ADAM11: variants seen among roughly 807,000 people sequenced by gnomAD.
ADAM11 encodes the protein disintegrin and metalloproteinase domain-containing protein 11.
ADAM11 carries 49 observed loss-of-function variants against 119.1 expected under a neutral mutation model. The ratio of observed to expected loss-of-function variants is 0.41; its 90% CI spans 0.33 to 0.52. The LOEUF is 0.52. ADAM11 is among the 20% of genes least tolerant of loss of function. The pLI is 0.20. For synonymous variants in ADAM11, 364 were observed against 408.0 expected (o/e 0.89, Z 1.30); for missense variants, 777 against 1,047.5 (o/e 0.74, Z 3.56).
chr17:44,778,026 G>C lies in ADAM11; in HGVS notation c.2145G>C (p.Leu715=). 1.2e-6 allele frequency: 2 copies of C among 1,613,900 alleles called. No individual in the cohort carries two copies. The highest frequency in any genetic ancestry group is 1.7e-6 in the Non-Finnish European group (2 of 1,179,924). Residue 715 remains leucine, a synonymous_variant, in exon 24 of 27, where the codon CTG becomes CTC. Transcript: ENST00000200557. ...TGKDCSIHNP[L]PTSPPTGETE... ...AAGACTGCAGTATCCATAACCCCCT[G>C]CCCACGTCCCCACCCACGGGGGAGA...
rs75940627 is a variant in ADAM11 at position 44,766,430 on chromosome 17, C to T, written c.238-3288C>T. Among the ~76,000 whole-genome samples, 480 of 152,284 alleles carry T rather than the reference C, an allele frequency of 3.2e-3. 1 individual carries two copies. Among genetic ancestry groups the T allele is most frequent in the African/African-American group, 0.011 (442 of 41,560 alleles). Reference sequence around the variant, plus strand: ...TCTTTGCCTTTTTCTGTCTGCACCCCGCATCTGGTACAGAGAGGACAAGGC... The same window carrying T: ...TCTTTGCCTTTTTCTGTCTGCACCCTGCATCTGGTACAGAGAGGACAAGGC... On this transcript the variant is annotated intron_variant, in intron 2 of 26. Coordinates refer to ENST00000200557, the MANE Select transcript of ADAM11 (RefSeq NM_002390.6).
Position 44,772,615 on chromosome 17 carries a change from T to C in ADAM11, c.678+149T>C, listed in dbSNP as rs2049540933. 8.6e-7 allele frequency: 1 copy of C among 1,161,462 alleles called. No homozygotes were observed. Among genetic ancestry groups the C allele is most frequent in the Non-Finnish European group, 1.2e-6 (1 of 827,148 alleles). 71.9% of individuals were successfully genotyped at this position (1,161,462 alleles called of 1,614,324 possible). The stretch of plus-strand genomic sequence containing the variant: ...GTGGCTGGGGGCCAGGGACCGTGTC[T>C]GGGAGAAGCCCCCACCCCTTCCCTA... On this transcript the variant is annotated intron_variant, in intron 8 of 26. Transcript: ENST00000200557. The surrounding 1 kb of genome is among the most constrained non-coding windows in gnomAD (Gnocchi z 4.5).
Position 44,779,349 on chromosome 17 carries a change from G to A in ADAM11, c.2294+110G>A, listed in dbSNP as rs959638611. The A allele has an allele frequency of 2.7e-6, 4 of 1,473,504 alleles. No individual in the cohort carries two copies. In the African/African-American group the frequency reaches 4.4e-5, roughly 16 times the overall value. The allele number at this position is 1,473,504 out of a possible 1,614,324, so 91.3% of individuals were successfully genotyped here. A position where few individuals can be genotyped will look rare whatever the true frequency, so the allele number is the denominator to read the frequency against. On this transcript the variant is annotated intron_variant, in intron 26 of 26. Transcript: ENST00000200557. Reference sequence around the variant, plus strand: ...CCCCGCGTTCTGTTGATGGGGAGCGGGGGCTGATTCCCCCACCCCTGCTGC... The same window carrying A: ...CCCCGCGTTCTGTTGATGGGGAGCGAGGGCTGATTCCCCCACCCCTGCTGC...
In ADAM11 at chr17:44,769,725, A is replaced by G. The variant is rs1187830983; in HGVS notation, c.245A>G (p.His82Arg). Residue 82 changes from histidine to arginine, a missense_variant, in exon 3 of 27, where the codon CAT becomes CGT. Coordinates refer to ENST00000200557, the MANE Select transcript of ADAM11 (RefSeq NM_002390.6). ...TGCCCTCCCCCCACCCAGCCTGTCC[A>G]TCTGGCCCAGGTGAGTTTCGTCATC... ...RQEPPGGPPV[H>R]LAQVSFVIPA... The G allele has an allele frequency of 6.2e-7, 1 of 1,604,870 alleles. No individual in the cohort carries two copies.
intron 2 of ADAM11, among the ~76,000 whole-genome samples, chr17:44,763,055 G>A (rs2049408101): frequency 6.6e-6 from 1 of 152,112 alleles, no homozygotes; most frequent in African/African-American, 2.4e-5. Flanking sequence ...AGGATCGCTT[G>A]AGTCCAAGAG....
chr17:44,779,367 CCTGCTGCCAGG>C, intron 26 of ADAM11, 128 bp downstream of exon 26: 1 of 1,464,052 alleles, frequency 6.8e-7, no homozygotes, highest in Non-Finnish European at 9.0e-7. Context: ...TTCCCCCACC[CCTGCTGCCAGG>C]CTGTCCCGGC....
Position 44,772,296 on chromosome 17 carries a change from C to G in ADAM11, c.573C>G (p.Thr191=), listed in dbSNP as rs2145226625. Reference sequence around the variant, plus strand: ...CCCTTCCCCACCTCATTTACCGGACCCCTCTCCTCCCAGATCCCCTCGGAT... The same window carrying G: ...CCCTTCCCCACCTCATTTACCGGACGCCTCTCCTCCCAGATCCCCTCGGAT... ...QGPLPHLIYR[T]PLLPDPLGCR... is the part of the protein sequence containing the mutation. The change falls in exon 7 of 27, where the codon ACC becomes ACG. Residue 191 remains threonine (T), a synonymous_variant. Transcript: ENST00000200557. The surrounding 1 kb of genome is among the most constrained non-coding windows in gnomAD (Gnocchi z 4.5). 1.2e-6 allele frequency: 2 copies of G among 1,608,136 alleles called. No individual in the cohort carries two copies. The highest frequency in any genetic ancestry group is 2.2e-5 in the East Asian group (1 of 44,768).
At position 44,777,379 on chromosome 17, in the gene ADAM11, C is replaced by A; in HGVS notation, c.1782-103C>A. 3 of 1,520,640 alleles carry A rather than the reference C, an allele frequency of 2.0e-6. No homozygotes were observed. Among genetic ancestry groups the A allele is most frequent in the Non-Finnish European group, 1.8e-6 (2 of 1,105,124 alleles). The allele number at this position is 1,520,640 out of a possible 1,614,324, so 94.2% of individuals were successfully genotyped here. On this transcript the variant is annotated intron_variant, in intron 21 of 26. Coordinates refer to ENST00000200557, the MANE Select transcript of ADAM11 (RefSeq NM_002390.6). The surrounding 1 kb of genome is among the most constrained non-coding windows in gnomAD (Gnocchi z 5.1). ...GCCTGTCAGTCCCAATGGGCGGGCA[C>A]GTGGCAAATGAGGTGGCAGGGTGCA...
chr17:44,772,468 T>TA lies in ADAM11; in HGVS notation c.678+3dup, dbSNP rs2049538370. On this transcript the variant is annotated splice_region_variant and intron_variant, in intron 8 of 26. Transcript: ENST00000200557. The surrounding 1 kb of genome is among the most constrained non-coding windows in gnomAD (Gnocchi z 4.5). ...CCGAGGCTGAGAAGGAAAAGGCAGGTACGGGGGCCCGCACAGACCTCGGGC... is the reference window on the plus strand; with the variant it reads ...CCGAGGCTGAGAAGGAAAAGGCAGGTAACGGGGGCCCGCACAGACCTCGGGC... 1 of 1,565,348 alleles carries TA rather than the reference T, an allele frequency of 6.4e-7. No individual in the cohort carries two copies. The highest frequency in any genetic ancestry group is 1.2e-5 in the South Asian group (1 of 85,642).
chr17:44,771,741 C>T lies in ADAM11; in HGVS notation c.468-15C>T. On this transcript the variant is annotated splice_polypyrimidine_tract_variant and intron_variant, in intron 5 of 26. Transcript: ENST00000200557. The stretch of plus-strand genomic sequence containing the variant: ...GGCCTGGGGACGGAGGGGAGCTGCG[C>T]CTCTCTCTCCACAGTGGGGTCTTCT... 2 of 1,613,122 alleles carry T rather than the reference C, an allele frequency of 1.2e-6. No individual in the cohort carries two copies. Among genetic ancestry groups the T allele is most frequent in the Non-Finnish European group, 1.7e-6 (2 of 1,179,546 alleles).
chr17:44,769,824 G>T, intron 3 of ADAM11, 30 bp downstream of exon 3: 1 of 1,611,398 alleles, frequency 6.2e-7, no homozygotes, highest in Non-Finnish European at 8.5e-7. Context: ...CAAGAGGAAG[G>T]GCAGTGGTGG....
At chr17:44,761,602 C>T (rs150679140) in intron 2 of ADAM11, among the ~76,000 whole-genome samples, 27 of 152,122 alleles carry the variant, frequency 1.8e-4, no homozygotes, top group South Asian at 6.2e-4. Flanking sequence ...ATGGATCTGC[C>T]GGGCAGTGAT....
intron 14 of ADAM11, 82 bp downstream of exon 14, chr17:44,774,831 G>A (rs1358651688): frequency 1.3e-6 from 2 of 1,526,216 alleles, no homozygotes; most frequent in East Asian, 2.3e-5. Flanking sequence ...TCTGGACCAG[G>A]GGGCTCAAGA....
Position 44,775,782 on chromosome 17 carries a change from A to T in ADAM11, c.1485+106A>T. ...GAGGGAAGCGGAGCCTTCGGGGACG[A>T]AGGCCTCTGGGGCAGGGCTTGATGC... On this transcript the variant is annotated intron_variant, in intron 17 of 26. Transcript: ENST00000200557. This position sits in a 1 kb window ranked among gnomAD's most constrained non-coding sequence, Gnocchi z 7.5. 8.3e-7 allele frequency: 1 copy of T among 1,198,578 alleles called. No individual in the cohort carries two copies. The highest frequency in any genetic ancestry group is 1.2e-6 in the Non-Finnish European group (1 of 865,570). The allele number at this position is 1,198,578 out of a possible 1,614,324, so 74.2% of individuals were successfully genotyped here. A position where few individuals can be genotyped will look rare whatever the true frequency, so the allele number is the denominator to read the frequency against.
rs1269003692 is a variant in ADAM11 at position 44,773,470 on chromosome 17, G to A, written c.992+43G>A. On this transcript the variant is annotated intron_variant, in intron 11 of 26. Transcript: ENST00000200557. The surrounding 1 kb of genome is among the most constrained non-coding windows in gnomAD (Gnocchi z 4.6). The stretch of plus-strand genomic sequence containing the variant: ...CACCTCCTGCCAGCCTCTGCTAGTT[G>A]CTACAGTGCTTGGGATTACTTAACA... The A allele has an allele frequency of 6.3e-7, 1 of 1,597,330 alleles. No homozygotes were observed. Among genetic ancestry groups the A allele is most frequent in the East Asian group, 2.2e-5 (1 of 44,642 alleles).
At chr17:44,767,111 C>A (rs1173911072) in intron 2 of ADAM11, among the ~76,000 whole-genome samples, 1 of 151,998 alleles carries the variant, frequency 6.6e-6, no homozygotes, top group African/African-American at 2.4e-5. Context: ...GCAATCCCAG[C>A]ACTTTGGGAT....
Position 44,759,369 on chromosome 17 carries a change from G to A in ADAM11, c.61+109G>A, listed in dbSNP as rs1051847419. On this transcript the variant is annotated intron_variant, in intron 1 of 26. Coordinates refer to ENST00000200557, the MANE Select transcript of ADAM11 (RefSeq NM_002390.6). ...CCTGCAGTGCTCGGGGTGACAGCCG[G>A]TCCGGAGCGCGGGAGGGTAGGGGAG... 66 of 1,270,464 alleles carry A rather than the reference G, an allele frequency of 5.2e-5. No homozygotes were observed. In the African/African-American group the frequency reaches 9.4e-4, roughly 18 times the overall value. 78.7% of individuals were successfully genotyped at this position (1,270,464 alleles called of 1,614,324 possible).
chr17:44,777,715 C>T lies in ADAM11; in HGVS notation c.1922C>T (p.Ala641Val), dbSNP rs188986459. The change falls in exon 23 of 27, where the codon GCG (alanine) becomes GTG (valine). Residue 641 changes from alanine to valine, a missense_variant. Physicochemically the swap from Ala to Val is moderately conservative, Grantham distance 64. This residue lies in a region of ADAM11 where 348 missense variants were observed against 486.7 expected (regional missense o/e 0.72). Coordinates refer to ENST00000200557, the MANE Select transcript of ADAM11 (RefSeq NM_002390.6). The surrounding 1 kb of genome is among the most constrained non-coding windows in gnomAD (Gnocchi z 5.1). ...LDCRGGHVQL[A>V]DGSDLSYVED... ...CCCAGGGGAGGCCACGTGCAGCTGG[C>T]GGACGGCTCTGACCTGAGCTATGTG... The T allele has an allele frequency of 1.9e-4, 309 of 1,613,704 alleles. 1 individual carries two copies. The East Asian group carries it at 6.2e-3, about 32-fold the overall frequency.
rs1480369696 is a variant in ADAM11, at chr17:44,775,595, C to T, written c.1404C>T (p.Arg468=). Residue 468 remains arginine (R), a synonymous_variant, in exon 17 of 27, where the codon CGC becomes CGT. Transcript: ENST00000200557. The surrounding 1 kb of genome is among the most constrained non-coding windows in gnomAD (Gnocchi z 7.5). ...CDCGSVQECS[R]AGGNCCKKCT... is the part of the protein sequence containing the mutation. ...CCCGCGTCCCTCAGGAGTGCAGCCG[C>T]GCAGGTGGCAACTGCTGCAAGAAAT... 3 of 1,578,524 alleles carry T rather than the reference C, an allele frequency of 1.9e-6. No individual in the cohort carries two copies. Among genetic ancestry groups the T allele is most frequent in the Admixed American group, 1.8e-5 (1 of 55,766 alleles).
Sources: gnomAD v4.1 joint callset for allele counts (sites outside exome capture counted in the v4.1 genomes callset) on GRCh38, gnomAD v4.1.1 for gene constraint, gnomAD v4.1.1 regional missense constraint, Gnocchi (gnomAD v3.1) non-coding constraint, MANE v1.5 for transcripts, NCBI Gene and HGNC (gene_info 2026-07-23, HGNC 2026-07-21) for gene names.